The following EXT2 variants were observed in gnomAD, a reference collection of about 807,000 sequenced individuals.
EXT2 encodes exostosin glycosyltransferase 2, also known as exostosin-2.
A neutral mutation model predicts 81.6 loss-of-function variants in EXT2; 53 were observed. That is an observed-to-expected ratio of 0.65 (90% CI 0.52 to 0.82). The LOEUF (loss-of-function observed/expected upper bound fraction) is 0.82, where lower values mean the gene tolerates loss of function less well. Ranked by LOEUF, EXT2 falls within the 40% of genes least tolerant of loss-of-function variation. The pLI, the probability that EXT2 is intolerant of heterozygous loss-of-function variation, is 0.00. For missense variants in EXT2, 774 were observed against 910.2 expected, an observed-to-expected ratio of 0.85 and a Z score of 1.93; for synonymous variants, 320 against 340.0, an observed-to-expected ratio of 0.94 and a Z score of 0.65.
chr11:44,153,239 G>T (rs1361413614), intron 7 of EXT2, among the ~76,000 whole-genome samples: 2 of 152,082 alleles, frequency 1.3e-5, no homozygotes, highest in South Asian at 2.1e-4. Flanking sequence ...TACATATTTT[G>T]TTAGATTTAT....
At chr11:44,172,496 G>A (rs1955090023) in intron 8 of EXT2, among the ~76,000 whole-genome samples, 2 of 152,142 alleles carry the variant, frequency 1.3e-5, no homozygotes, top group East Asian at 1.9e-4. Flanking sequence ...ATTCCTGTAA[G>A]AGAACTAGAC....
At chr11:44,229,879 G>T (rs919296768) in intron 10 of EXT2, among the ~76,000 whole-genome samples, 1 of 152,294 alleles carries the variant, frequency 6.6e-6, no homozygotes, top group Non-Finnish European at 1.5e-5. Context: ...AACTGTGTGT[G>T]GAATGTTGTT....
intron 1 of EXT2, chr11:44,096,174 C>A: frequency 7.4e-7 from 1 of 1,355,176 alleles, no homozygotes; most frequent in Non-Finnish European, 1.0e-6. Flanking sequence ...TGCGACCCGC[C>A]CTCCGCCCTC....
chr11:44,204,510 T>G (rs1051322461), intron 9 of EXT2, among the ~76,000 whole-genome samples: 1 of 152,158 alleles, frequency 6.6e-6, no homozygotes, highest in Admixed American at 6.5e-5. Context: ...GGCTATAACC[T>G]CCTTCATTTT....
In EXT2 at chr11:44,106,104, A is replaced by G. The variant is rs543304069; in HGVS notation, c.-30-1579A>G. The stretch of plus-strand genomic sequence containing the variant: ...TAGGGCCTCTCAAGTCTTGTGCTCA[A>G]AAATCCCAAAACATCACTTCAGCCA... On this transcript the variant is annotated intron_variant, in intron 1 of 13. Transcript: ENST00000533608. Among the ~76,000 whole-genome samples the G allele has an allele frequency of 5.3e-5, 8 of 152,340 alleles. No homozygotes were observed. The South Asian group carries it at 1.7e-3, about 32-fold the overall frequency.
chr11:44,208,825 G>T lies in EXT2; in HGVS notation c.1662+1866G>T, dbSNP rs115933899. Among the ~76,000 whole-genome samples the T allele has an allele frequency of 3.8e-3, 574 of 152,190 alleles. 6 individuals carry two copies. Among genetic ancestry groups the T allele is most frequent in the African/African-American group, 0.013 (549 of 41,492 alleles). On this transcript the variant is annotated intron_variant, in intron 10 of 13. Coordinates refer to ENST00000533608, the MANE Select transcript of EXT2 (RefSeq NM_207122.2). Reference sequence around the variant, plus strand: ...AGTGGAAGAATTGGGATTTAAATCCGAATTTTTCTGACACTGTGCTGCCTT... The same window carrying T: ...AGTGGAAGAATTGGGATTTAAATCCTAATTTTTCTGACACTGTGCTGCCTT...
chr11:44,221,173 A>AC (rs1955777753), intron 10 of EXT2, among the ~76,000 whole-genome samples: 1 of 151,832 alleles, frequency 6.6e-6, no homozygotes, highest in Non-Finnish European at 1.5e-5. Context: ...CTCCTCGAAG[A>AC]CCCCCATTCC....
chr11:44,233,996 C>T, intron 11 of EXT2, 119 bp from the exon 12 acceptor site: 1 of 1,407,938 alleles, frequency 7.1e-7, no homozygotes, highest in Non-Finnish European at 9.9e-7. Flanking sequence ...TTAATACAGC[C>T]TTGTGATTAA....
intron 7 of EXT2, among the ~76,000 whole-genome samples, chr11:44,157,925 T>A (rs576313613): frequency 1.3e-5 from 2 of 152,316 alleles, no homozygotes; most frequent in South Asian, 4.1e-4. Context: ...CCAGTGCTCT[T>A]AAGGCAGCAG....
intron 9 of EXT2, among the ~76,000 whole-genome samples, chr11:44,205,158 A>T (rs1213710328): frequency 6.6e-6 from 1 of 152,208 alleles, no homozygotes; most frequent in African/African-American, 2.4e-5. Context: ...TGAAAATACT[A>T]GTTTGTAAAT....
At chr11:44,152,346 T>C (rs1329815151) in intron 7 of EXT2, among the ~76,000 whole-genome samples, 1 of 151,950 alleles carries the variant, frequency 6.6e-6, no homozygotes, top group South Asian at 2.1e-4. Flanking sequence ...TTTATAGGGT[T>C]GTTGTTGTTG....
intron 10 of EXT2, among the ~76,000 whole-genome samples, chr11:44,229,839 A>G (rs185253123): frequency 1.3e-5 from 2 of 152,264 alleles, no homozygotes; most frequent in East Asian, 3.9e-4. Flanking sequence ...CTTTTTACTC[A>G]CTGAGATTCT....
In EXT2 at chr11:44,249,497, G is replaced by A. The variant is rs1956123165; in HGVS notation, c.*5210G>A. 6.6e-6 allele frequency among the ~76,000 whole-genome samples: 1 copy of A among 152,220 alleles called. No individual in the cohort carries two copies. Among genetic ancestry groups the A allele is most frequent in the African/African-American group, 2.4e-5 (1 of 41,462 alleles). On this transcript the variant is annotated 3_prime_UTR_variant, in exon 14 of 14. Coordinates refer to ENST00000533608, the MANE Select transcript of EXT2 (RefSeq NM_207122.2). ...CAACCTCTCAGGAATTGCAGGTGGT[G>A]TGGGAGTGGCTGACAGAGGAGGGAT...
rs75367249 is a variant in EXT2 at position 44,199,750 on chromosome 11, C to T, written c.1495+1732C>T. On this transcript the variant is annotated intron_variant, in intron 9 of 13. Transcript: ENST00000533608. Reference sequence around the variant, plus strand: ...ATTTTTTTTTCCTTCTTGATCTAAGCCTCTACACTGGCACAACTAAAGGCA... The same window carrying T: ...ATTTTTTTTTCCTTCTTGATCTAAGTCTCTACACTGGCACAACTAAAGGCA... 3.9e-3 allele frequency among the ~76,000 whole-genome samples: 589 copies of T among 152,192 alleles called. 4 individuals carry two copies. The highest frequency in any genetic ancestry group is 0.014 in the African/African-American group (568 of 41,528).
At chr11:44,102,846 T>G (rs1954005766) in intron 1 of EXT2, among the ~76,000 whole-genome samples, 1 of 152,214 alleles carries the variant, frequency 6.6e-6, no homozygotes, top group African/African-American at 2.4e-5. Context: ...GCCTTTTCTG[T>G]GAAATTCCTG....
At chr11:44,203,094 G>A (rs1465502729) in intron 9 of EXT2, among the ~76,000 whole-genome samples, 9 of 152,168 alleles carry the variant, frequency 5.9e-5, no homozygotes, top group Non-Finnish European at 1.5e-5. Context: ...CAGTTTCCCT[G>A]TAACTTCTAC....
intron 5 of EXT2, among the ~76,000 whole-genome samples, chr11:44,125,913 G>A (rs1047569273): frequency 1.3e-5 from 2 of 152,190 alleles, no homozygotes; most frequent in East Asian, 1.9e-4. Flanking sequence ...CGGGTACCAC[G>A]ATGACTTCTC....
At chr11:44,173,828 A>G (rs1196623540) in intron 8 of EXT2, among the ~76,000 whole-genome samples, 1 of 151,898 alleles carries the variant, frequency 6.6e-6, no homozygotes, top group Non-Finnish European at 1.5e-5. Flanking sequence ...CGGCCTCCCA[A>G]AGTGCTGGGA....
At chr11:44,186,916 A>G (rs1171916788) in intron 8 of EXT2, among the ~76,000 whole-genome samples, 1 of 152,000 alleles carries the variant, frequency 6.6e-6, no homozygotes, top group African/African-American at 2.4e-5. Flanking sequence ...AATTAAGGCC[A>G]TTGCAAAGGA....
Sources: allele counts gnomAD v4.1 joint callset (sites outside exome capture counted in the v4.1 genomes callset), GRCh38; gene constraint gnomAD v4.1.1; transcripts MANE v1.5; gene names NCBI Gene and HGNC (gene_info 2026-07-23, HGNC 2026-07-21).